Variants in XRCC4 observed in about 807,000 individuals in gnomAD.
XRCC4 encodes the protein DNA repair protein XRCC4.
XRCC4 carries 28 observed loss-of-function variants against 39.1 expected under a neutral mutation model. That is an observed-to-expected ratio of 0.72 (90% confidence interval 0.53 to 0.98). The LOEUF (loss-of-function observed/expected upper bound fraction) is 0.98, where lower values mean the gene tolerates loss of function less well. XRCC4 is among the 50% of genes least tolerant of loss of function. The pLI, the probability that XRCC4 is intolerant of heterozygous loss-of-function variation, is 0.00. For missense variants in XRCC4, 350 were observed against 376.4 expected (o/e 0.93, Z 0.58); for synonymous variants, 123 against 126.4 (o/e 0.97, Z 0.18).
At chr5:83,088,262 A>G (rs1436938904) in intron 1 of XRCC4, among the ~76,000 whole-genome samples, 2 of 152,124 alleles carry the variant, frequency 1.3e-5, no homozygotes, top group African/African-American at 4.8e-5. Context: ...TTATTTTTTA[A>G]ATAACTAACA....
At chr5:83,178,195 G>A (rs1473592839) in intron 3 of XRCC4, among the ~76,000 whole-genome samples, 1 of 152,140 alleles carries the variant, frequency 6.6e-6, no homozygotes, top group Non-Finnish European at 1.5e-5. Context: ...TTGGGAAATG[G>A]ATGCGTTTAG....
intron 3 of XRCC4, among the ~76,000 whole-genome samples, chr5:83,130,261 G>C (rs1747501031): frequency 6.6e-6 from 1 of 152,092 alleles, no homozygotes; most frequent in African/African-American, 2.4e-5. Context: ...TTTATATGAT[G>C]GATCACTTTT....
chr5:83,286,598 G>A (rs1424904414), intron 7 of XRCC4, among the ~76,000 whole-genome samples: 2 of 152,056 alleles, frequency 1.3e-5, no homozygotes, highest in Non-Finnish European at 2.9e-5. Context: ...TCCACTGATT[G>A]GATGAAGCCC....
rs544820552 is a variant in XRCC4 at position 83,306,846 on chromosome 5, C to G, written c.894-46285C>G. Among the ~76,000 whole-genome samples the G allele has an allele frequency of 2.6e-4, 40 of 152,236 alleles. 1 individual carries two copies. The highest frequency in any genetic ancestry group is 9.2e-4 in the African/African-American group (38 of 41,524). ...ATGTTTTTGTGGCTTCTTTTCCCCTCTCTTGAGGCACAGAATAGAACAGAA... is the reference window on the plus strand; with the variant it reads ...ATGTTTTTGTGGCTTCTTTTCCCCTGTCTTGAGGCACAGAATAGAACAGAA... On this transcript the variant is annotated intron_variant, in intron 7 of 7. Transcript: ENST00000396027.
intron 6 of XRCC4, among the ~76,000 whole-genome samples, chr5:83,208,705 G>A (rs963125766): frequency 6.6e-6 from 1 of 152,036 alleles, no homozygotes; most frequent in East Asian, 1.9e-4. Context: ...CATTTTCTTG[G>A]CTAAAAGGAA....
intron 7 of XRCC4, 38 bp downstream of exon 7, chr5:83,258,715 A>G (rs374108804): frequency 6.3e-7 from 1 of 1,591,680 alleles, no homozygotes; most frequent in Non-Finnish European, 8.5e-7. Context: ...GTGAGATGAC[A>G]TTTTTGAAAA....
chr5:83,302,783 T>C (rs1471461904), intron 7 of XRCC4, among the ~76,000 whole-genome samples: 1 of 152,240 alleles, frequency 6.6e-6, no homozygotes, highest in African/African-American at 2.4e-5. Context: ...GGATTTGCAG[T>C]GTAACAATTT....
At chr5:83,265,412 A>G (rs1753920400) in intron 7 of XRCC4, among the ~76,000 whole-genome samples, 1 of 152,168 alleles carries the variant, frequency 6.6e-6, no homozygotes, top group African/African-American at 2.4e-5. Context: ...ATAGGTTTTT[A>G]TTAGCTTCAC....
chr5:83,252,069 T>C (rs951388764), intron 6 of XRCC4, among the ~76,000 whole-genome samples: 2 of 152,200 alleles, frequency 1.3e-5, no homozygotes, highest in African/African-American at 4.8e-5. Flanking sequence ...TACTGCCTAT[T>C]GAAGTATGGT....
chr5:83,193,022 C>G (rs1241524793), intron 3 of XRCC4, among the ~76,000 whole-genome samples: 1 of 152,162 alleles, frequency 6.6e-6, no homozygotes, highest in Non-Finnish European at 1.5e-5. Context: ...TAAAATGATA[C>G]TTAAATTGCT....
chr5:83,242,011 G>A (rs1211930897), intron 6 of XRCC4, among the ~76,000 whole-genome samples: 1 of 151,870 alleles, frequency 6.6e-6, no homozygotes, highest in African/African-American at 2.4e-5. Flanking sequence ...CTGTCTCAGG[G>A]TGGCAGAGTC....
At chr5:83,293,244 C>G (rs1332399371) in intron 7 of XRCC4, among the ~76,000 whole-genome samples, 1 of 151,974 alleles carries the variant, frequency 6.6e-6, no homozygotes, top group Non-Finnish European at 1.5e-5. Flanking sequence ...TAATGTCTTT[C>G]TTCCCTTCCA....
At chr5:83,078,809 G>A (rs992566272) in intron 1 of XRCC4, among the ~76,000 whole-genome samples, 2 of 152,110 alleles carry the variant, frequency 1.3e-5, no homozygotes, top group Non-Finnish European at 2.9e-5. Flanking sequence ...GGGGAGAGGG[G>A]AATAAGAAAG....
At chr5:83,338,452 T>C (rs1353933051) in intron 7 of XRCC4, among the ~76,000 whole-genome samples, 1 of 152,198 alleles carries the variant, frequency 6.6e-6, no homozygotes, top group Non-Finnish European at 1.5e-5. Context: ...AATCAAAGGC[T>C]ACAGTCCACC....
chr5:83,119,266 A>T (rs1746882321), intron 3 of XRCC4, among the ~76,000 whole-genome samples: 1 of 152,184 alleles, frequency 6.6e-6, no homozygotes, highest in African/African-American at 2.4e-5. Flanking sequence ...AATAGTAATG[A>T]CTTTCAGGTC....
intron 3 of XRCC4, among the ~76,000 whole-genome samples, chr5:83,125,170 A>AT (rs1025695351): frequency 6.6e-5 from 10 of 151,420 alleles, no homozygotes; most frequent in African/African-American, 4.8e-5. Flanking sequence ...CCCCTTTTTG[A>AT]TTGTATTTTT....
At chr5:83,282,621 A>T (rs975872630) in intron 7 of XRCC4, among the ~76,000 whole-genome samples, 1 of 152,246 alleles carries the variant, frequency 6.6e-6, no homozygotes, top group Admixed American at 6.5e-5. Context: ...AGGCAGGTGG[A>T]TCACGAGGTC....
At chr5:83,354,397 T>C (rs1370866653), downstream of XRCC4, among the ~76,000 whole-genome samples, 1 of 152,212 alleles carries the variant, frequency 6.6e-6, no homozygotes, top group Non-Finnish European at 1.5e-5. Flanking sequence ...TCGTTTGTGA[T>C]TTTAAATGCC....
chr5:83,354,959 C>T (rs1159957118), downstream of XRCC4, among the ~76,000 whole-genome samples: 2 of 152,100 alleles, frequency 1.3e-5, no homozygotes, highest in Non-Finnish European at 2.9e-5. Flanking sequence ...ATTTTCCTAC[C>T]TGGATTAAAA....
Sources: allele counts gnomAD v4.1 joint callset (sites outside exome capture counted in the v4.1 genomes callset), GRCh38; gene constraint gnomAD v4.1.1; transcripts MANE v1.5; gene names NCBI Gene and HGNC (gene_info 2026-07-23, HGNC 2026-07-21).